Variants in SLC13A3 observed in about 807,000 individuals in gnomAD.
SLC13A3 encodes the protein solute carrier family 13 member 3.
In SLC13A3, 40 loss-of-function variants were observed where a neutral mutation model predicts 59.0. That is an observed-to-expected ratio of 0.68 (90% confidence interval 0.53 to 0.88). The LOEUF is 0.88. Among genes scored for constraint, SLC13A3 ranks in the 40% least tolerant of loss-of-function variants. The pLI, the probability that SLC13A3 is intolerant of heterozygous loss-of-function variation, is 0.00. For synonymous variants in SLC13A3, 317 were observed against 330.3 expected (o/e 0.96, Z 0.44); for missense variants, 699 against 783.2 (o/e 0.89, Z 1.28).
At chr20:46,657,554 A>G (rs113241655) in intron 1 of SLC13A3, among the ~76,000 whole-genome samples, 1,555 of 152,252 alleles carry the variant, frequency 0.01, 27 homozygotes, top group African/African-American at 0.035. Context: ...CATTACTACA[A>G]GACGAAAGTA....
At chr20:46,617,053 A>G (rs1286655165) in intron 1 of SLC13A3, among the ~76,000 whole-genome samples, 2 of 152,204 alleles carry the variant, frequency 1.3e-5, no homozygotes, top group African/African-American at 2.4e-5. Context: ...ATAGCTTTAT[A>G]TGTTTTCTCC....
intron 1 of SLC13A3, among the ~76,000 whole-genome samples, chr20:46,678,521 G>A (rs2122948719): frequency 6.6e-6 from 1 of 152,260 alleles, no homozygotes; most frequent in African/African-American, 2.4e-5. Context: ...TCCTCTCATT[G>A]ACTCTTTACC....
chr20:46,615,507 T>C (rs1181681622), intron 1 of SLC13A3, among the ~76,000 whole-genome samples: 6 of 152,164 alleles, frequency 3.9e-5, no homozygotes, highest in Non-Finnish European at 5.9e-5. Context: ...CCAGGGCCCA[T>C]TGCTGGCAGT....
chr20:46,581,659 C>A (rs1568918696), intron 9 of SLC13A3, among the ~76,000 whole-genome samples: 1 of 152,028 alleles, frequency 6.6e-6, no homozygotes, highest in East Asian at 1.9e-4. Context: ...TAGGAAGGAG[C>A]AGAAAGTATG....
intron 1 of SLC13A3, among the ~76,000 whole-genome samples, chr20:46,658,474 A>G (rs1423033758): frequency 6.6e-6 from 1 of 152,160 alleles, no homozygotes; most frequent in Non-Finnish European, 1.5e-5. Flanking sequence ...ATCATTTAAA[A>G]TAGGTGAATT....
intron 8 of SLC13A3, among the ~76,000 whole-genome samples, chr20:46,586,792 C>G (rs1173322257): frequency 6.6e-6 from 1 of 152,186 alleles, no homozygotes; most frequent in Non-Finnish European, 1.5e-5. Flanking sequence ...AGCCATCCCC[C>G]AGACCAGGGG....
At chr20:46,599,538 T>G (rs2029986376) in intron 4 of SLC13A3, among the ~76,000 whole-genome samples, 1 of 152,224 alleles carries the variant, frequency 6.6e-6, no homozygotes, top group Admixed American at 6.5e-5. Flanking sequence ...TAAATGCGAT[T>G]TCAACATCAA....
chr20:46,596,308 C>T lies in SLC13A3; in HGVS notation c.643G>A (p.Asp215Asn). 1.2e-6 allele frequency: 2 copies of T among 1,614,180 alleles called. No individual in the cohort carries two copies. The highest frequency in any genetic ancestry group is 1.7e-6 in the Non-Finnish European group (2 of 1,180,020). The change falls in exon 5 of 13, where the codon GAT (aspartate) becomes AAT (asparagine). Residue 215 changes from aspartate to asparagine, a missense_variant. Asp to Asn is a conservative substitution (Grantham distance 23). Coordinates refer to ENST00000279027, the MANE Select transcript of SLC13A3 (RefSeq NM_022829.6). ...DHPGETEVPLDLPADSRKEDE... is the reference protein window; with the variant it reads ...DHPGETEVPLNLPADSRKEDE... ...TCCTTCCTGGAGTCAGCCGGCAGAT[C>T]CAGTGGAACCTCTGTCTCCCCAGGG...
At chr20:46,612,455 A>G (rs1387976520) in intron 2 of SLC13A3, among the ~76,000 whole-genome samples, 1 of 152,052 alleles carries the variant, frequency 6.6e-6, no homozygotes, top group Non-Finnish European at 1.5e-5. Context: ...ATATTTTTAT[A>G]TGACATTATA....
intron 1 of SLC13A3, among the ~76,000 whole-genome samples, chr20:46,664,172 T>A (rs868531797): frequency 9.9e-5 from 15 of 152,192 alleles, no homozygotes; most frequent in Non-Finnish European, 1.9e-4. Flanking sequence ...GGATTTTTTT[T>A]AAGCTCCAAG....
chr20:46,672,193 T>A (rs2063096680), upstream of SLC13A3, among the ~76,000 whole-genome samples: 1 of 152,236 alleles, frequency 6.6e-6, no homozygotes, highest in African/African-American at 2.4e-5. Flanking sequence ...CTCTACTGCC[T>A]GGCACATGAG....
intron 1 of SLC13A3, among the ~76,000 whole-genome samples, chr20:46,626,771 G>A (rs1273814597): frequency 2.9e-5 from 4 of 136,576 alleles, no homozygotes; most frequent in African/African-American, 1.1e-4. Context: ...TTGGAGGCAG[G>A]GACTAGAGCA....
intron 12 of SLC13A3, among the ~76,000 whole-genome samples, chr20:46,560,631 C>T (rs1310458503): frequency 6.6e-6 from 1 of 152,134 alleles, no homozygotes; most frequent in Non-Finnish European, 1.5e-5. Flanking sequence ...CATATACACA[C>T]ACGCATGCAC....
chr20:46,570,708 G>A (rs1394051729), intron 10 of SLC13A3, among the ~76,000 whole-genome samples: 2 of 152,176 alleles, frequency 1.3e-5, no homozygotes, highest in Non-Finnish European at 2.9e-5. Flanking sequence ...AAAATCGTAT[G>A]TCGAATCGTT....
intron 1 of SLC13A3, among the ~76,000 whole-genome samples, chr20:46,649,777 C>T (rs1888706630): frequency 6.6e-6 from 1 of 152,142 alleles, no homozygotes; most frequent in African/African-American, 2.4e-5. Context: ...CCTCATCCTT[C>T]TTCCATCATT....
chr20:46,613,761 G>A (rs1394750039), intron 1 of SLC13A3, 36 bp from the exon 2 acceptor site: 20 of 1,552,764 alleles, frequency 1.3e-5, no homozygotes, highest in South Asian at 2.5e-5. Flanking sequence ...GGGTCAGCGG[G>A]GCTCGGGGCA....
intron 1 of SLC13A3, 77 bp downstream of exon 1, chr20:46,651,234 T>A: frequency 7.1e-7 from 1 of 1,401,010 alleles, no homozygotes; most frequent in Non-Finnish European, 9.3e-7. Flanking sequence ...ACCTCAGCGG[T>A]CTCCCAACTT....
At chr20:46,599,067 C>A (rs578035964) in intron 4 of SLC13A3, among the ~76,000 whole-genome samples, 1 of 152,358 alleles carries the variant, frequency 6.6e-6, no homozygotes, top group East Asian at 1.9e-4. Context: ...CCTCCCCCAC[C>A]CTTTTCCTGC....
At chr20:46,672,889 G>A (rs1298152455), upstream of SLC13A3, among the ~76,000 whole-genome samples, 1 of 152,128 alleles carries the variant, frequency 6.6e-6, no homozygotes, top group Admixed American at 6.5e-5. Context: ...GAGTTCATCT[G>A]AATGGCTGAG....
Sources: allele counts gnomAD v4.1 joint callset (sites outside exome capture counted in the v4.1 genomes callset), GRCh38; gene constraint gnomAD v4.1.1; transcripts MANE v1.5; gene names NCBI Gene and HGNC (gene_info 2026-07-23, HGNC 2026-07-21).